COX20: variants seen among roughly 807,000 people sequenced by gnomAD.
COX20 encodes cytochrome c oxidase assembly factor COX20.
In COX20, 14 loss-of-function variants were observed where a neutral mutation model predicts 14.3. The observed-to-expected ratio is 0.98, with a 90% CI of 0.65 to 1.53. The LOEUF (loss-of-function observed/expected upper bound fraction) is 1.53, where lower values mean the gene tolerates loss of function less well. COX20 is among the 40% of genes most tolerant of loss of function. The pLI is 0.00. For missense variants in COX20, 149 were observed against 142.1 expected (o/e 1.05, Z -0.25); for synonymous variants, 56 against 51.7 (o/e 1.08, Z -0.36).
upstream of COX20, chr1:244,835,548 G>C (rs371847459): frequency 2.4e-3 from 1,003 of 423,054 alleles, 14 homozygotes; most frequent in East Asian, 0.032. Flanking sequence ...GGCCCCGTGC[G>C]GCCACTGCGG....
rs527690929 is a variant in COX20, at chr1:244,843,556, ATACT to A, written c.*385_*388del. 78 of 160,302 alleles carry A rather than the reference ATACT, an allele frequency of 4.9e-4. 2 individuals are homozygous for A. In the East Asian group the frequency reaches 0.013, roughly 26 times the overall value. The allele number at this position is 160,302 out of a possible 1,614,324, so 9.9% of individuals were successfully genotyped here. On this transcript the variant is annotated 3_prime_UTR_variant, in exon 4 of 4. Coordinates refer to ENST00000411948, the MANE Select transcript of COX20 (RefSeq NM_198076.6). ...TTACTATCCCATTAAAAAACAGCAAATACTTACTGAGTTCTTGTAAGAGCTAATG... is the reference window on the plus strand; with the variant it reads ...TTACTATCCCATTAAAAAACAGCAAATACTGAGTTCTTGTAAGAGCTAATG...
chr1:244,842,380 A>G (rs1184378930), intron 3 of COX20, 122 bp downstream of exon 3: 2 of 731,468 alleles, frequency 2.7e-6, no homozygotes, highest in African/African-American at 3.5e-5. Context: ...AAGAATCTTG[A>G]TTTTTCAGGA....
chr1:244,839,596 C>T (rs1246199920), intron 1 of COX20, among the ~76,000 whole-genome samples: 3 of 152,168 alleles, frequency 2.0e-5, no homozygotes, highest in South Asian at 2.1e-4. Flanking sequence ...GAGTTATGCC[C>T]GGGATCCTTT....
At chr1:244,838,209 T>C (rs904257293) in intron 1 of COX20, among the ~76,000 whole-genome samples, 2 of 152,210 alleles carry the variant, frequency 1.3e-5, no homozygotes, top group Admixed American at 6.5e-5. Flanking sequence ...TTTTTGGGTC[T>C]GAAAATTGGT....
intron 1 of COX20, among the ~76,000 whole-genome samples, chr1:244,837,660 A>C (rs1364802389): frequency 1.3e-5 from 2 of 152,222 alleles, no homozygotes; most frequent in Non-Finnish European, 2.9e-5. Context: ...TACTAGACTG[A>C]TCAAGACAGG....
Position 244,842,202 on chromosome 1 carries a change from T to TAG in COX20, c.167_168dup (p.Arg57GlufsTer8). On this transcript the variant is annotated frameshift_variant, in exon 3 of 4. Transcript: ENST00000411948. LOFTEE classifies it high-confidence loss of function. ...TTATGCTTATTTTTACAGGTAGAAT[T>TAG]AGAAGATCATGTGATGTTGGAGTAG... is the stretch of plus-strand genomic sequence containing the variant. 1 of 1,604,200 alleles carries TAG rather than the reference T, an allele frequency of 6.2e-7. No homozygotes were observed. Among genetic ancestry groups the TAG allele is most frequent in the Non-Finnish European group, 8.5e-7 (1 of 1,171,310 alleles).
chr1:244,835,698 G>T lies in COX20; in HGVS notation c.-17G>T. On this transcript the variant is annotated 5_prime_UTR_variant, in exon 1 of 4. Coordinates refer to ENST00000411948, the MANE Select transcript of COX20 (RefSeq NM_198076.6). ...ACCCCGGCGGTGCAGGGCGGGTGGAGTCGCGGAGTAGTCCTCATGGCCGCC... is the reference window on the plus strand; with the variant it reads ...ACCCCGGCGGTGCAGGGCGGGTGGATTCGCGGAGTAGTCCTCATGGCCGCC... 1 of 1,255,688 alleles carries T rather than the reference G, an allele frequency of 8.0e-7. No individual in the cohort carries two copies. The highest frequency in any genetic ancestry group is 1.0e-6 in the Non-Finnish European group (1 of 998,210). 77.8% of individuals were successfully genotyped at this position (1,255,688 alleles called of 1,614,324 possible).
intron 1 of COX20, 50 bp downstream of exon 1, chr1:244,835,806 G>A: frequency 8.2e-7 from 1 of 1,221,038 alleles, no homozygotes; most frequent in Non-Finnish European, 1.0e-6. Flanking sequence ...GGTGGGTAAG[G>A]ACGTTCTCCG....
At position 244,844,181 on chromosome 1, in the gene COX20, T is replaced by C. The variant is rs1373722491; in HGVS notation, c.*1005T>C. 2.6e-5 allele frequency: 4 copies of C among 152,220 alleles called. No homozygotes were observed. Among genetic ancestry groups the C allele is most frequent in the Non-Finnish European group, 5.9e-5 (4 of 68,028 alleles). 9.4% of individuals were successfully genotyped at this position (152,220 alleles called of 1,614,324 possible). ...AGCAAGGAAGAAAATATTAGTTATT[T>C]TGATCTACATCTTTTTCTAAAGAAA... On this transcript the variant is annotated 3_prime_UTR_variant, in exon 4 of 4. Transcript: ENST00000411948.
intron 1 of COX20, among the ~76,000 whole-genome samples, chr1:244,838,856 C>T (rs1258147524): frequency 6.6e-6 from 1 of 151,898 alleles, no homozygotes; most frequent in Non-Finnish European, 1.5e-5. Flanking sequence ...GCAGTGGTGC[C>T]ATCTTGGCTC....
intron 1 of COX20, 137 bp downstream of exon 1, chr1:244,835,893 A>C (rs1679962818): frequency 1.6e-6 from 1 of 635,356 alleles, no homozygotes; most frequent in South Asian, 8.1e-5. Context: ...AACTGTTCCT[A>C]GTCCTTATCC....
intron 1 of COX20, among the ~76,000 whole-genome samples, chr1:244,837,085 GTGGTTTAATCCAT>G (rs1680013464): frequency 6.6e-6 from 1 of 151,642 alleles, no homozygotes; most frequent in South Asian, 2.1e-4. Context: ...GGTCATAAAG[GTGGTTTAATCCAT>G]TGGAAATTAA....
intron 3 of COX20, 104 bp downstream of exon 3, chr1:244,842,362 C>T (rs953041797): frequency 1.3e-6 from 1 of 787,956 alleles, no homozygotes; most frequent in Non-Finnish European, 2.2e-6. Context: ...AGATCCTCAC[C>T]CTCAATGAAG....
chr1:244,835,508 C>G, upstream of COX20: 1 of 389,988 alleles, frequency 2.6e-6, no homozygotes, highest in South Asian at 1.4e-4. Flanking sequence ...AAGTGTGACC[C>G]GTTCGACGGA....
At chr1:244,840,933 C>T in intron 1 of COX20, 1 of 152,276 alleles carries the variant, frequency 6.6e-6, no homozygotes. Flanking sequence ...TTTAAATGGA[C>T]AGTGGTTCCT....
chr1:244,842,327 C>A, intron 3 of COX20, 69 bp downstream of exon 3: 1 of 1,054,580 alleles, frequency 9.5e-7, no homozygotes, highest in South Asian at 1.3e-5. Flanking sequence ...AGCACATGCT[C>A]TTTTCAGAGC....
In COX20 at chr1:244,844,077, CG is replaced by C. The variant is rs1376285689; in HGVS notation, c.*902del. 6.6e-6 allele frequency: 1 copy of C among 152,112 alleles called. No individual in the cohort carries two copies. The highest frequency in any genetic ancestry group is 1.5e-5 in the Non-Finnish European group (1 of 68,028). 9.4% of individuals were successfully genotyped at this position (152,112 alleles called of 1,614,324 possible). On this transcript the variant is annotated 3_prime_UTR_variant, in exon 4 of 4. Transcript: ENST00000411948. ...AGAAATGCTTAAAGAAATATTGGGG[CG>C]AAGGTAACAGCAGTCAACAGGATTG... is the stretch of plus-strand genomic sequence containing the variant.
At chr1:244,842,457 A>C in intron 3 of COX20, 199 bp downstream of exon 3, 1 of 545,162 alleles carries the variant, frequency 1.8e-6, no homozygotes, top group Non-Finnish European at 3.3e-6. Context: ...TTAAAAAGAA[A>C]GCTGTGGTTT....
chr1:244,837,706 G>C (rs761772113), intron 1 of COX20, among the ~76,000 whole-genome samples: 7 of 152,142 alleles, frequency 4.6e-5, no homozygotes, highest in African/African-American at 7.2e-5. Flanking sequence ...TCTACTGGAG[G>C]AATCAATAAG....
Sources: gnomAD v4.1 joint callset for allele counts (sites outside exome capture counted in the v4.1 genomes callset) on GRCh38, gnomAD v4.1.1 for gene constraint, MANE v1.5 for transcripts, NCBI Gene and HGNC (gene_info 2026-07-23, HGNC 2026-07-21) for gene names.